SLC7A7: variants seen among roughly 807,000 people sequenced by gnomAD.
SLC7A7 encodes solute carrier family 7 member 7.
A neutral mutation model predicts 47.9 loss-of-function variants in SLC7A7; 39 were observed. The observed-to-expected ratio is 0.81, with a 90% CI of 0.63 to 1.06. SLC7A7 has a LOEUF of 1.06. SLC7A7 is among the 50% of genes least tolerant of loss of function. The pLI, the probability that SLC7A7 is intolerant of heterozygous loss-of-function variation, is 0.00. For synonymous variants in SLC7A7, 234 were observed against 242.8 expected (o/e 0.96, Z 0.34); for missense variants, 588 against 632.0 (o/e 0.93, Z 0.75).
intron 2 of SLC7A7, among the ~76,000 whole-genome samples, chr14:22,803,546 G>C (rs747540854): frequency 2.6e-5 from 4 of 152,198 alleles, no homozygotes; most frequent in Non-Finnish European, 4.4e-5. Flanking sequence ...CAGGCATCTG[G>C]AGACGTGCCT....
At chr14:22,801,461 AATCACAACACC>A (rs2039112041) in intron 2 of SLC7A7, among the ~76,000 whole-genome samples, 1 of 152,142 alleles carries the variant, frequency 6.6e-6, no homozygotes, top group Non-Finnish European at 1.5e-5. Context: ...CTACCTTGCA[AATCACAACACC>A]ATCACAATCC....
At chr14:22,818,052 C>T (rs1009470946), upstream of SLC7A7, among the ~76,000 whole-genome samples, 4 of 151,642 alleles carry the variant, frequency 2.6e-5, no homozygotes, top group African/African-American at 7.3e-5. Context: ...CACATCATCA[C>T]GCCTGCCCTT....
Position 22,773,493 on chromosome 14 carries a change from C to T in SLC7A7, c.*117G>A, listed in dbSNP as rs2038516055. The stretch of plus-strand genomic sequence containing the variant: ...AAGTAAGTTCAAAGGTTGAAGCTGC[C>T]TAGGCCAGGCTTCTGGACAGGTGCC... On this transcript the variant is annotated 3_prime_UTR_variant, in exon 10 of 10. Coordinates refer to ENST00000674313, the MANE Select transcript of SLC7A7 (RefSeq NM_003982.4). The T allele has an allele frequency of 2.4e-6, 2 of 837,938 alleles. No homozygotes were observed. Among genetic ancestry groups the T allele is most frequent in the Admixed American group, 2.0e-5 (1 of 51,170 alleles). The allele number at this position is 837,938 out of a possible 1,614,324, so 51.9% of individuals were successfully genotyped here.
In SLC7A7 at chr14:22,773,521, C is replaced by CAAAG; in HGVS notation, c.*85_*88dup. 2.5e-6 allele frequency: 3 copies of CAAAG among 1,176,944 alleles called. No individual in the cohort carries two copies. Among genetic ancestry groups the CAAAG allele is most frequent in the Non-Finnish European group, 2.5e-6 (2 of 790,528 alleles). 72.9% of individuals were successfully genotyped at this position (1,176,944 alleles called of 1,614,324 possible). A position where few individuals can be genotyped will look rare whatever the true frequency, so the allele number is the denominator to read the frequency against. On this transcript the variant is annotated 3_prime_UTR_variant, in exon 10 of 10. Transcript: ENST00000674313. ...GGCCAGGCTTCTGGACAGGTGCCTC[C>CAAAG]AAAGAAGTGAGCTTTCCTTTTCAAC...
Position 22,773,984 on chromosome 14 carries a change from T to A in SLC7A7, c.1378A>T (p.Ile460Phe). The A allele has an allele frequency of 6.2e-7, 1 of 1,614,048 alleles. No individual in the cohort carries two copies. The highest frequency in any genetic ancestry group is 1.7e-5 in the Admixed American group (1 of 60,014). Residue 460 changes from isoleucine to phenylalanine, a missense_variant, in exon 9 of 10, where the codon ATC becomes TTC. Ile to Phe is a conservative substitution (Grantham distance 21). Coordinates refer to ENST00000674313, the MANE Select transcript of SLC7A7 (RefSeq NM_003982.4). Reference sequence around the variant, plus strand: ...CGCTTATGTTCTGGCACTCTGATGATGAGGAAGTAAAAGGGCAGGCCTGAG... The same window carrying A: ...CGCTTATGTTCTGGCACTCTGATGAAGAGGAAGTAAAAGGGCAGGCCTGAG... Reference protein sequence around the residue: ...ALSGLPFYFLIIRVPEHKRPL... With the variant: ...ALSGLPFYFLFIRVPEHKRPL...
At chr14:22,803,487 A>T (rs2039151039) in intron 2 of SLC7A7, among the ~76,000 whole-genome samples, 1 of 152,218 alleles carries the variant, frequency 6.6e-6, no homozygotes, top group Non-Finnish European at 1.5e-5. Context: ...GGTCTCTAGT[A>T]AGGTACTATT....
Position 22,775,930 on chromosome 14 carries a change from CA to C in SLC7A7, c.900del (p.Phe300LeufsTer12). The C allele has an allele frequency of 6.2e-7, 1 of 1,612,478 alleles. No individual in the cohort carries two copies. The highest frequency in any genetic ancestry group is 8.5e-7 in the Non-Finnish European group (1 of 1,178,500). ...TTAAATATTCCAAATATCTGATCTG[CA>C]AAAGTCTAAGGGAAAAGAATGGAAG... Reference protein sequence around the residue: ...ILASDAVAVTFADQIFGIFNW... With the variant: ...ILASDAVAVTXADQIFGIFNW... On this transcript the variant is annotated frameshift_variant, in exon 6 of 10. Transcript: ENST00000674313. LOFTEE classifies it high-confidence loss of function.
intron 2 of SLC7A7, among the ~76,000 whole-genome samples, chr14:22,805,135 A>G (rs757333423): frequency 2.6e-5 from 4 of 152,056 alleles, no homozygotes; most frequent in African/African-American, 7.2e-5. Flanking sequence ...TGGGAGGCCA[A>G]GGCAGGTGGA....
chr14:22,813,180 C>A lies in SLC7A7; in HGVS notation c.219G>T (p.Leu73=). Reference sequence around the variant, plus strand: ...AGAGGCCCCCGACAGCCCAGATGACCAGAGAGAGACCAAAGGAGGCACTGT... The same window carrying A: ...AGAGGCCCCCGACAGCCCAGATGACAAGAGAGAGACCAAAGGAGGCACTGT... ...LIYSASFGLS[L]VIWAVGGLFS... is the part of the protein sequence containing the mutation. Residue 73 remains leucine, a synonymous_variant, in exon 2 of 10, where the codon CTG becomes CTT. Transcript: ENST00000674313. 6.2e-7 allele frequency: 1 copy of A among 1,614,144 alleles called. No homozygotes were observed. Among genetic ancestry groups the A allele is most frequent in the Non-Finnish European group, 8.5e-7 (1 of 1,180,026 alleles).
chr14:22,773,846 A>G, intron 9 of SLC7A7, 87 bp downstream of exon 9: 1 of 1,581,274 alleles, frequency 6.3e-7, no homozygotes. Flanking sequence ...GGGCTAAGGC[A>G]AAGATGTCTT....
At chr14:22,787,161 C>T (rs558787810) in intron 2 of SLC7A7, among the ~76,000 whole-genome samples, 124 of 151,944 alleles carry the variant, frequency 8.2e-4, no homozygotes, top group Non-Finnish European at 1.7e-3. Context: ...TAGGGCCGGG[C>T]GCAGTGGCTC....
At chr14:22,789,362 T>C (rs2038882204) in intron 2 of SLC7A7, among the ~76,000 whole-genome samples, 1 of 152,146 alleles carries the variant, frequency 6.6e-6, no homozygotes. Flanking sequence ...CTCATGCCTG[T>C]AATCCCAGCA....
intron 2 of SLC7A7, among the ~76,000 whole-genome samples, chr14:22,799,890 G>A (rs555018764): frequency 2.0e-5 from 3 of 152,216 alleles, no homozygotes; most frequent in South Asian, 4.1e-4. Context: ...AACTCAACAT[G>A]TCCAAAACTG....
rs566292589 is a variant in SLC7A7 at position 22,809,883 on chromosome 14, C to CA, written c.499+3016dup. On this transcript the variant is annotated intron_variant, in intron 2 of 9. Transcript: ENST00000674313. ...TGAAATCCCATCTCTTCTAAAAATA[C>CA]AAAAAATTAGCTTGGCGTGGTGGCG... Among the ~76,000 whole-genome samples, 5 of 151,600 alleles carry CA rather than the reference C, an allele frequency of 3.3e-5. No homozygotes were observed. The South Asian group carries it at 6.3e-4, about 19-fold the overall frequency.
intron 2 of SLC7A7, among the ~76,000 whole-genome samples, chr14:22,802,327 C>T (rs963418378): frequency 5.3e-5 from 8 of 151,870 alleles, no homozygotes; most frequent in African/African-American, 1.5e-4. Context: ...CCCTTGAACC[C>T]GGGAGGCAGA....
At chr14:22,773,751 G>C (rs774873335) in intron 9 of SLC7A7, 35 bp from the exon 10 acceptor site, 1 of 1,603,272 alleles carries the variant, frequency 6.2e-7, no homozygotes, top group Admixed American at 1.7e-5. Context: ...ATTGAGAAGA[G>C]GTCAGCTGGG....
intron 2 of SLC7A7, among the ~76,000 whole-genome samples, chr14:22,799,267 C>T (rs2139433494): frequency 6.6e-6 from 1 of 152,152 alleles, no homozygotes; most frequent in Middle Eastern, 3.4e-3. Flanking sequence ...CACTCACCAT[C>T]TTCCAGGTTT....
At chr14:22,785,303 C>CTA (rs2038793652) in intron 2 of SLC7A7, among the ~76,000 whole-genome samples, 1 of 152,002 alleles carries the variant, frequency 6.6e-6, no homozygotes, top group African/African-American at 2.4e-5. Context: ...ATAAAGTGAT[C>CTA]TATAGCTCTT....
At chr14:22,773,829 TA>T (rs2139382620) in intron 9 of SLC7A7, 103 bp downstream of exon 9, 6 of 1,562,408 alleles carry the variant, frequency 3.8e-6, no homozygotes, top group Middle Eastern at 2.1e-4. Flanking sequence ...GAAGGGTTCA[TA>T]AGAAGGGGCT....
Sources: allele counts gnomAD v4.1 joint callset (sites outside exome capture counted in the v4.1 genomes callset), GRCh38; gene constraint gnomAD v4.1.1; transcripts MANE v1.5; gene names NCBI Gene and HGNC (gene_info 2026-07-23, HGNC 2026-07-21).